WDR33: variants seen among roughly 807,000 people sequenced by gnomAD.
WDR33 encodes the protein WD repeat domain 33.
WDR33 carries 47 observed loss-of-function variants against 164.9 expected under a neutral mutation model. The observed-to-expected ratio is 0.29, with a 90% CI of 0.23 to 0.36. The LOEUF is 0.36. Among genes scored for constraint, WDR33 ranks in the 10% least tolerant of loss-of-function variants. WDR33 has a pLI of 1.00. For missense variants in WDR33, 1,137 were observed against 1,754.1 expected, an observed-to-expected ratio of 0.65 and a Z score of 6.28; for synonymous variants, 505 against 589.0, an observed-to-expected ratio of 0.86 and a Z score of 2.06.
Position 127,706,102 on chromosome 2 carries a change from G to A in WDR33, c.*221C>T. 7.5e-6 allele frequency: 3 copies of A among 402,384 alleles called. No individual in the cohort carries two copies. Among genetic ancestry groups the A allele is most frequent in the Non-Finnish European group, 1.3e-5 (3 of 228,916 alleles). 24.9% of individuals were successfully genotyped at this position (402,384 alleles called of 1,614,324 possible). ...GCTTTTATCTTCACAAAACAACATG[G>A]GAGTTGGGGCAATGAGGGTGGACAG... On this transcript the variant is annotated 3_prime_UTR_variant, in exon 22 of 22. Transcript: ENST00000322313. This position sits in a 1 kb window ranked among gnomAD's most constrained non-coding sequence, Gnocchi z 5.1.
Position 127,701,687 on chromosome 2 carries a change from G to C in WDR33, c.*4636C>G, listed in dbSNP as rs953675687. The stretch of plus-strand genomic sequence containing the variant: ...GCCGCGCGGGCTTGCGCTGGACGTG[G>C]GCGCGGAGCCCTGCGGAGTCGGCAG... On this transcript the variant is annotated 3_prime_UTR_variant, in exon 22 of 22. Transcript: ENST00000322313. The C allele has an allele frequency of 3.5e-5, 46 of 1,298,744 alleles. No individual in the cohort carries two copies. The highest frequency in any genetic ancestry group is 4.4e-5 in the Non-Finnish European group (45 of 1,028,830). The allele number at this position is 1,298,744 out of a possible 1,614,324, so 80.5% of individuals were successfully genotyped here.
intron 1 of WDR33, among the ~76,000 whole-genome samples, chr2:127,783,044 GAT>G (rs1241635041): frequency 1.3e-5 from 2 of 152,184 alleles, no homozygotes; most frequent in East Asian, 3.9e-4. Context: ...TATACAGCAG[GAT>G]ATGTGTATGT....
rs1303936791 is a variant in WDR33, at chr2:127,789,561, C to T, written c.-23-18557G>A. Among the ~76,000 whole-genome samples the T allele has an allele frequency of 3.3e-5, 5 of 150,000 alleles. No individual in the cohort carries two copies. In the South Asian group the frequency reaches 6.4e-4, roughly 19 times the overall value. The stretch of plus-strand genomic sequence containing the variant: ...CCAAAACCAGTCAGGCGTGGCGGCG[C>T]GTGCCTGCAATGGCAGGCACTCGGC... On this transcript the variant is annotated intron_variant, in intron 1 of 21. Transcript: ENST00000322313.
intron 1 of WDR33, among the ~76,000 whole-genome samples, chr2:127,774,635 C>T (rs1573441376): frequency 6.6e-6 from 1 of 152,056 alleles, no homozygotes; most frequent in African/African-American, 2.4e-5. Flanking sequence ...CGAGACCATC[C>T]CGGCTAACAT....
Position 127,721,523 on chromosome 2 carries a change from A to C in WDR33, c.1671+313T>G, listed in dbSNP as rs1243542744. On this transcript the variant is annotated intron_variant, in intron 15 of 21. Coordinates refer to ENST00000322313, the MANE Select transcript of WDR33 (RefSeq NM_018383.5). This position sits in a 1 kb window ranked among gnomAD's most constrained non-coding sequence, Gnocchi z 4.9. ...GCCACTCAAGAGGCTTAATGTGGGAAGATCACTTGAGCCTGGGAGGCAGAG... is the reference window on the plus strand; with the variant it reads ...GCCACTCAAGAGGCTTAATGTGGGACGATCACTTGAGCCTGGGAGGCAGAG... Among the ~76,000 whole-genome samples the C allele has an allele frequency of 6.6e-6, 1 of 152,192 alleles. No individual in the cohort carries two copies. Among genetic ancestry groups the C allele is most frequent in the African/African-American group, 2.4e-5 (1 of 41,446 alleles).
At chr2:127,729,746 C>T (rs528704636) in intron 7 of WDR33, among the ~76,000 whole-genome samples, 2 of 152,318 alleles carry the variant, frequency 1.3e-5, no homozygotes, top group African/African-American at 4.8e-5. Context: ...CCGCCCACCT[C>T]GGCCTCCCAA....
chr2:127,736,452 T>C (rs928556094), intron 7 of WDR33: 3 of 985,434 alleles, frequency 3.0e-6, no homozygotes, highest in Non-Finnish European at 3.6e-6. Flanking sequence ...TTTTGAAATG[T>C]ATAGTGTCAG....
chr2:127,706,283 A>G lies in WDR33; in HGVS notation c.*40T>C. 1 of 1,482,614 alleles carries G rather than the reference A, an allele frequency of 6.7e-7. No individual in the cohort carries two copies. The highest frequency in any genetic ancestry group is 9.0e-7 in the Non-Finnish European group (1 of 1,113,114). The allele number at this position is 1,482,614 out of a possible 1,614,324, so 91.8% of individuals were successfully genotyped here. Reference sequence around the variant, plus strand: ...TGGTGAGTCCACAAGAAGTTCTTACATACTGTCCAGAGAGGCCTCAGGGTA... The same window carrying G: ...TGGTGAGTCCACAAGAAGTTCTTACGTACTGTCCAGAGAGGCCTCAGGGTA... On this transcript the variant is annotated 3_prime_UTR_variant, in exon 22 of 22. Coordinates refer to ENST00000322313, the MANE Select transcript of WDR33 (RefSeq NM_018383.5). The surrounding 1 kb of genome is among the most constrained non-coding windows in gnomAD (Gnocchi z 5.1).
In WDR33 at chr2:127,701,492, G is replaced by T. The variant is rs763075789; in HGVS notation, c.*4831C>A. The stretch of plus-strand genomic sequence containing the variant: ...CGCTTCAGCGGAGGGCCGGAAGTGA[G>T]CCGCAGCTTTTCCTTTCTGCCACCG... On this transcript the variant is annotated 3_prime_UTR_variant, in exon 22 of 22. Coordinates refer to ENST00000322313, the MANE Select transcript of WDR33 (RefSeq NM_018383.5). 253 of 1,272,702 alleles carry T rather than the reference G, an allele frequency of 2.0e-4. No homozygotes were observed. The highest frequency in any genetic ancestry group is 2.3e-4 in the Non-Finnish European group (234 of 1,006,400). The allele number at this position is 1,272,702 out of a possible 1,614,324, so 78.8% of individuals were successfully genotyped here. A position where few individuals can be genotyped will look rare whatever the true frequency, so the allele number is the denominator to read the frequency against.
At position 127,717,073 on chromosome 2, in the gene WDR33, A is replaced by T; in HGVS notation, c.2869+82T>A. The T allele has an allele frequency of 7.1e-7, 1 of 1,411,886 alleles. No homozygotes were observed. The highest frequency in any genetic ancestry group is 9.8e-7 in the Non-Finnish European group (1 of 1,019,788). The allele number at this position is 1,411,886 out of a possible 1,614,324, so 87.5% of individuals were successfully genotyped here. On this transcript the variant is annotated intron_variant, in intron 17 of 21. Coordinates refer to ENST00000322313, the MANE Select transcript of WDR33 (RefSeq NM_018383.5). The surrounding 1 kb of genome is among the most constrained non-coding windows in gnomAD (Gnocchi z 5.6). Reference sequence around the variant, plus strand: ...GGTTCAAATGACCAGTCTATCAATGACTGGCCAACAAAATTATTCACTGTA... The same window carrying T: ...GGTTCAAATGACCAGTCTATCAATGTCTGGCCAACAAAATTATTCACTGTA...
intron 7 of WDR33, among the ~76,000 whole-genome samples, chr2:127,748,506 T>C (rs1173045487): frequency 6.6e-6 from 1 of 152,168 alleles, no homozygotes. Flanking sequence ...GTCAAGACCA[T>C]GGTAAAATGT....
intron 4 of WDR33, among the ~76,000 whole-genome samples, chr2:127,766,712 T>C (rs1485180328): frequency 6.6e-6 from 1 of 151,660 alleles, no homozygotes; most frequent in Non-Finnish European, 1.5e-5. Context: ...TTTAACCAAA[T>C]TCCCTGATTA....
In WDR33 at chr2:127,724,467, G is replaced by C; in HGVS notation, c.1086-24C>G. On this transcript the variant is annotated intron_variant, in intron 10 of 21. Coordinates refer to ENST00000322313, the MANE Select transcript of WDR33 (RefSeq NM_018383.5). This position sits in a 1 kb window ranked among gnomAD's most constrained non-coding sequence, Gnocchi z 4.8. ...CCCTGCAACAGCACCAAAGAGAGAA[G>C]ATTTGTTCACAAAAGTTACCCAGCT... is the stretch of plus-strand genomic sequence containing the variant. 1 of 1,602,642 alleles carries C rather than the reference G, an allele frequency of 6.2e-7. No homozygotes were observed. The highest frequency in any genetic ancestry group is 8.5e-7 in the Non-Finnish European group (1 of 1,171,562).
At position 127,764,406 on chromosome 2, in the gene WDR33, C is replaced by CT; in HGVS notation, c.626+421dup. On this transcript the variant is annotated intron_variant, in intron 6 of 21. Transcript: ENST00000322313. This position sits in a 1 kb window ranked among gnomAD's most constrained non-coding sequence, Gnocchi z 6.2. ...AAGCCAACCAGGTCTTCACTTAAGC[C>CT]TTTTTCCACTTTGTGTGAATTCTGA... The CT allele has an allele frequency of 6.9e-7, 1 of 1,444,282 alleles. No individual in the cohort carries two copies. Among genetic ancestry groups the CT allele is most frequent in the Non-Finnish European group, 9.1e-7 (1 of 1,101,540 alleles). 89.5% of individuals were successfully genotyped at this position (1,444,282 alleles called of 1,614,324 possible).
At chr2:127,732,108 A>AACACACACAC (rs71394692) in intron 7 of WDR33, among the ~76,000 whole-genome samples, 98 of 138,200 alleles carry the variant, frequency 7.1e-4, no homozygotes, top group African/African-American at 1.9e-3. Context: ...CAACATATAC[A>AACACACACAC]ACACACACAC....
chr2:127,810,154 T>C (rs1689598830), intron 1 of WDR33, among the ~76,000 whole-genome samples: 1 of 152,182 alleles, frequency 6.6e-6, no homozygotes, highest in South Asian at 2.1e-4. Context: ...AGTTGTTCCT[T>C]TCAGTGCAGG....
chr2:127,738,559 T>C lies in WDR33; in HGVS notation c.725-11782A>G, dbSNP rs1176816319. 6.6e-6 allele frequency among the ~76,000 whole-genome samples: 1 copy of C among 152,088 alleles called. No individual in the cohort carries two copies. Among genetic ancestry groups the C allele is most frequent in the African/African-American group, 2.4e-5 (1 of 41,408 alleles). ...GTTGTTGAAGAAACTTGACAAACTC[T>C]ACCTCAAGCAGATGATCAAGATCAA... On this transcript the variant is annotated intron_variant, in intron 7 of 21. Transcript: ENST00000322313. This position sits in a 1 kb window ranked among gnomAD's most constrained non-coding sequence, Gnocchi z 4.4.
intron 7 of WDR33, among the ~76,000 whole-genome samples, chr2:127,758,746 A>T (rs1368610752): frequency 2.0e-5 from 3 of 152,150 alleles, no homozygotes; most frequent in Non-Finnish European, 4.4e-5. Flanking sequence ...TAGTTAAGTG[A>T]TCTGCTTCCA....
intron 1 of WDR33, among the ~76,000 whole-genome samples, chr2:127,810,040 G>A (rs72846297): frequency 0.015 from 2,158 of 147,836 alleles, 24 homozygotes; most frequent in Middle Eastern, 0.088. Context: ...CATATTCACA[G>A]GCTATATATA....
Sources: gnomAD v4.1 joint callset for allele counts (sites outside exome capture counted in the v4.1 genomes callset) on GRCh38, gnomAD v4.1.1 for gene constraint, Gnocchi (gnomAD v3.1) non-coding constraint, MANE v1.5 for transcripts, NCBI Gene and HGNC (gene_info 2026-07-23, HGNC 2026-07-21) for gene names.